Variants in GABRP observed in about 807,000 individuals in gnomAD.
The protein encoded by GABRP is gamma-aminobutyric acid type A receptor subunit pi.
Under a neutral mutation model 47.8 loss-of-function variants are expected in GABRP, and 52 were observed. That is an observed-to-expected ratio of 1.09 (90% CI 0.87 to 1.37). The LOEUF (loss-of-function observed/expected upper bound fraction) is 1.37, where lower values mean the gene tolerates loss of function less well. Among genes scored for constraint, GABRP ranks in the 40% most tolerant of loss-of-function variants. The pLI is 0.00. For synonymous variants in GABRP, 221 were observed against 205.8 expected, an observed-to-expected ratio of 1.07 and a Z score of -0.63; for missense variants, 525 against 542.8, an observed-to-expected ratio of 0.97 and a Z score of 0.33.
chr5:170,799,337 A>T (rs954976502), intron 6 of GABRP, among the ~76,000 whole-genome samples: 10 of 152,170 alleles, frequency 6.6e-5, no homozygotes, highest in Non-Finnish European at 1.3e-4. Context: ...CTAGTTCTAG[A>T]TCCCTGAGGA....
chr5:170,806,491 G>A (rs1001346404), intron 7 of GABRP, among the ~76,000 whole-genome samples: 3 of 152,142 alleles, frequency 2.0e-5, no homozygotes, highest in African/African-American at 7.2e-5. Flanking sequence ...CGCACAGGCT[G>A]GAGTGCAGTG....
intron 3 of GABRP, 36 bp downstream of exon 3, chr5:170,789,283 G>C (rs754554458): frequency 7.2e-7 from 1 of 1,393,044 alleles, no homozygotes; most frequent in South Asian, 1.2e-5. Flanking sequence ...ATCATTCAAA[G>C]GGACGAAAAC....
At chr5:170,791,624 A>T (rs1225957865) in intron 3 of GABRP, among the ~76,000 whole-genome samples, 1 of 152,084 alleles carries the variant, frequency 6.6e-6, no homozygotes, top group African/African-American at 2.4e-5. Flanking sequence ...AATTGAGGCA[A>T]AGCCTAGATT....
At chr5:170,785,608 G>A (rs1038885510) in intron 1 of GABRP, among the ~76,000 whole-genome samples, 5 of 152,226 alleles carry the variant, frequency 3.3e-5, no homozygotes, top group African/African-American at 7.2e-5. Flanking sequence ...AGGAGGCTGA[G>A]AGGCCCAGGG....
intron 6 of GABRP, among the ~76,000 whole-genome samples, chr5:170,797,898 A>G (rs1348922442): frequency 6.6e-6 from 1 of 152,206 alleles, no homozygotes; most frequent in Non-Finnish European, 1.5e-5. Context: ...AGGAAGTTTT[A>G]CTGACACACA....
chr5:170,794,205 T>A (rs915033645), intron 3 of GABRP, 26 bp from the exon 4 acceptor site: 9 of 1,553,140 alleles, frequency 5.8e-6, no homozygotes, highest in Non-Finnish European at 8.0e-6. Context: ...TGTGTTTCCA[T>A]TCTTTCTTGT....
chr5:170,799,621 T>C (rs1267956218), intron 6 of GABRP, among the ~76,000 whole-genome samples: 1 of 152,218 alleles, frequency 6.6e-6, no homozygotes, highest in Non-Finnish European at 1.5e-5. Flanking sequence ...CACTTTTTGA[T>C]GGGGTTGTTT....
At chr5:170,798,933 C>T (rs1417126982) in intron 6 of GABRP, among the ~76,000 whole-genome samples, 1 of 151,466 alleles carries the variant, frequency 6.6e-6, no homozygotes, top group Admixed American at 6.6e-5. Flanking sequence ...TCTCCTAATG[C>T]TATCCCTCCC....
intron 1 of GABRP, among the ~76,000 whole-genome samples, chr5:170,785,350 C>T (rs1396260003): frequency 2.6e-5 from 4 of 152,130 alleles, no homozygotes; most frequent in Non-Finnish European, 5.9e-5. Flanking sequence ...CAGCCAAATC[C>T]CCTTGCAAAT....
At chr5:170,808,016 T>G (rs1162907426) in intron 7 of GABRP, among the ~76,000 whole-genome samples, 1 of 152,192 alleles carries the variant, frequency 6.6e-6, no homozygotes, top group Non-Finnish European at 1.5e-5. Context: ...ATATGTTTTG[T>G]GCTACAGTAG....
At chr5:170,804,435 T>C (rs1454236737) in intron 6 of GABRP, among the ~76,000 whole-genome samples, 3 of 152,168 alleles carry the variant, frequency 2.0e-5, no homozygotes, top group Non-Finnish European at 2.9e-5. Flanking sequence ...AAGAAATTGC[T>C]ACTTTGTTAC....
chr5:170,797,617 A>T (rs1765465754), intron 6 of GABRP, 69 bp downstream of exon 6: 1 of 907,946 alleles, frequency 1.1e-6, no homozygotes, highest in Non-Finnish European at 1.9e-6. Context: ...ATTCATGAAA[A>T]GTATCTCATA....
intron 6 of GABRP, among the ~76,000 whole-genome samples, chr5:170,797,980 T>C (rs1460874802): frequency 1.3e-5 from 2 of 152,260 alleles, no homozygotes; most frequent in Admixed American, 6.5e-5. Context: ...GTATTTGTGA[T>C]AGAGACCAGA....
At chr5:170,799,099 A>G (rs1489086685) in intron 6 of GABRP, among the ~76,000 whole-genome samples, 2 of 152,190 alleles carry the variant, frequency 1.3e-5, no homozygotes, top group East Asian at 3.9e-4. Flanking sequence ...GTCTCTACAA[A>G]GGACATGAAC....
intron 5 of GABRP, 133 bp downstream of exon 5, chr5:170,795,558 C>A: frequency 1.4e-6 from 1 of 693,862 alleles, no homozygotes; most frequent in Non-Finnish European, 2.5e-6. Context: ...TCCTTGCCCC[C>A]ATAATAGAAG....
chr5:170,795,243 G>C lies in GABRP; in HGVS notation c.276G>C (p.Trp92Cys). The part of the protein sequence containing the change: ...YTATIYLRQR[W>C]MDQRLVFEGN... The stretch of plus-strand genomic sequence containing the variant: ...CCACCATATACCTCCGACAGCGCTG[G>C]ATGGACCAGCGGCTGGTGTTTGAAG... The change falls in exon 5 of 10, where the codon TGG becomes TGC. Residue 92 changes from tryptophan (W) to cysteine (C), a missense_variant. Trp to Cys is a radical substitution (Grantham distance 215). Coordinates refer to ENST00000265294, the MANE Select transcript of GABRP (RefSeq NM_014211.3). 1 of 1,613,570 alleles carries C rather than the reference G, an allele frequency of 6.2e-7. No individual in the cohort carries two copies.
chr5:170,796,438 C>T (rs970062952), intron 5 of GABRP, among the ~76,000 whole-genome samples: 1 of 152,108 alleles, frequency 6.6e-6, no homozygotes, highest in African/African-American at 2.4e-5. Flanking sequence ...GCACACAACA[C>T]AATCAATATT....
At chr5:170,799,229 C>T (rs1335476902) in intron 6 of GABRP, among the ~76,000 whole-genome samples, 5 of 152,044 alleles carry the variant, frequency 3.3e-5, no homozygotes, top group African/African-American at 7.2e-5. Context: ...TGAATAATGC[C>T]GCAATAAATA....
At chr5:170,798,655 C>A (rs948216243) in intron 6 of GABRP, among the ~76,000 whole-genome samples, 1 of 152,004 alleles carries the variant, frequency 6.6e-6, no homozygotes, top group Non-Finnish European at 1.5e-5. Flanking sequence ...AGCCACAGGT[C>A]CCAGTAGAAG....
Sources: gnomAD v4.1 joint callset for allele counts (sites outside exome capture counted in the v4.1 genomes callset) on GRCh38, gnomAD v4.1.1 for gene constraint, MANE v1.5 for transcripts, NCBI Gene and HGNC (gene_info 2026-07-23, HGNC 2026-07-21) for gene names.